PTPN13: variants seen among roughly 807,000 people sequenced by gnomAD.
The protein encoded by PTPN13 is protein tyrosine phosphatase non-receptor type 13.
A neutral mutation model predicts 284.0 loss-of-function variants in PTPN13; 191 were observed. The observed-to-expected ratio is 0.67, with a 90% CI of 0.60 to 0.76. PTPN13 has a LOEUF of 0.76. PTPN13 is among the 30% of genes least tolerant of loss of function. The probability of loss-of-function intolerance (pLI) is 0.00; values close to 1 mark genes in which losing one functional copy is unlikely to be tolerated. For synonymous variants in PTPN13, 986 were observed against 1,022.3 expected (o/e 0.96, Z 0.68); for missense variants, 2,797 against 2,939.9 (o/e 0.95, Z 1.12).
At chr4:86,668,326 A>G (rs1316033366) in intron 2 of PTPN13, among the ~76,000 whole-genome samples, 1 of 152,136 alleles carries the variant, frequency 6.6e-6, no homozygotes, top group East Asian at 1.9e-4. Context: ...TCTTCCTTTT[A>G]GTTAGACAAG....
chr4:86,790,988 T>G (rs894222982), intron 40 of PTPN13, among the ~76,000 whole-genome samples: 15 of 152,046 alleles, frequency 9.9e-5, no homozygotes, highest in Non-Finnish European at 2.1e-4. Flanking sequence ...TCAATGGGAC[T>G]CGTTGGACAG....
At position 86,772,876 on chromosome 4, in the gene PTPN13, A is replaced by G. The variant is rs563513070; in HGVS notation, c.5267A>G (p.His1756Arg). ...AGTTCGATGGATAAGTATCATATAC[A>G]TCACATTTCTGAACCAACTAGACAA... ...SSSSMDKYHIHHISEPTRQEN... is the reference protein window; with the variant it reads ...SSSSMDKYHIRHISEPTRQEN... Residue 1756 changes from histidine (H) to arginine (R), a missense_variant, in exon 32 of 48, where the codon CAT becomes CGT. By Grantham distance (29) the His-to-Arg change is conservative. Transcript: ENST00000411767. The G allele has an allele frequency of 2.4e-5, 38 of 1,612,712 alleles. No individual in the cohort carries two copies. The African/African-American group carries it at 4.7e-4, about 20-fold the overall frequency.
At chr4:86,700,737 C>T (rs528581937) in intron 6 of PTPN13, among the ~76,000 whole-genome samples, 7 of 152,246 alleles carry the variant, frequency 4.6e-5, no homozygotes, top group Non-Finnish European at 1.0e-4. Context: ...CGAAATGCTA[C>T]AATCCTATTT....
intron 3 of PTPN13, among the ~76,000 whole-genome samples, chr4:86,673,115 G>A (rs1727891420): frequency 6.6e-6 from 1 of 152,152 alleles, no homozygotes; most frequent in Admixed American, 6.5e-5. Context: ...AGGTGGTAAC[G>A]TTCACTTGCC....
chr4:86,810,952 A>G (rs980144707), intron 46 of PTPN13, 94 bp from the exon 47 acceptor site: 2 of 1,196,340 alleles, frequency 1.7e-6, no homozygotes, highest in African/African-American at 3.0e-5. Flanking sequence ...AGAGTGGGAT[A>G]CAGAATTTTA....
intron 44 of PTPN13, 119 bp from the exon 45 acceptor site, chr4:86,807,441 T>G: frequency 1.4e-6 from 1 of 715,288 alleles, no homozygotes. Context: ...TTAAAATACG[T>G]TGGTGATTTC....
chr4:86,683,929 T>C (rs1296742781), intron 3 of PTPN13, among the ~76,000 whole-genome samples: 1 of 152,174 alleles, frequency 6.6e-6, no homozygotes, highest in Non-Finnish European at 1.5e-5. Context: ...TTTGAAAAGG[T>C]ATTTACACTT....
intron 9 of PTPN13, among the ~76,000 whole-genome samples, chr4:86,718,455 C>CTTTTTTTTTGTTTTTTTTTTTTTT (rs1733264242): frequency 7.1e-6 from 1 of 140,164 alleles, no homozygotes; most frequent in African/African-American, 2.6e-5. Context: ...TAATGGTCCA[C>CTTTTTTTTTGTTTTTTTTTTTTTT]TTTTTTTTTT....
At position 86,767,890 on chromosome 4, in the gene PTPN13, C is replaced by T. The variant is rs1023942535; in HGVS notation, c.4403C>T (p.Thr1468Ile). The change falls in exon 28 of 48, where the codon ACC becomes ATC. Residue 1468 changes from threonine to isoleucine, a missense_variant. Thr to Ile is a moderately conservative substitution (Grantham distance 89). Transcript: ENST00000411767. Reference protein sequence around the residue: ...KEHVPVTPQCTLSDQNAQGQG... With the variant: ...KEHVPVTPQCILSDQNAQGQG... ...CATGTCCCGGTAACCCCACAGTGTA[C>T]CCTTTCAGATCAGAATGCCCAAGGT... 3.1e-6 allele frequency: 5 copies of T among 1,608,424 alleles called. No homozygotes were observed. In the African/African-American group the frequency reaches 5.3e-5, roughly 17 times the overall value.
At chr4:86,738,735 C>G (rs1299115487) in intron 15 of PTPN13, among the ~76,000 whole-genome samples, 1 of 152,104 alleles carries the variant, frequency 6.6e-6, no homozygotes, top group Non-Finnish European at 1.5e-5. Context: ...GGCTGGAATT[C>G]AGTGGTGCGA....
intron 1 of PTPN13, among the ~76,000 whole-genome samples, chr4:86,622,276 C>T (rs1578270421): frequency 6.6e-6 from 1 of 152,106 alleles, no homozygotes; most frequent in East Asian, 1.9e-4. Context: ...TTATCATTTA[C>T]TGTAGCTTAG....
rs180693475 is a variant in PTPN13, at chr4:86,722,718, T to A, written c.1608+284T>A. 1.9e-3 allele frequency among the ~76,000 whole-genome samples: 292 copies of A among 152,318 alleles called. 3 individuals are homozygous for A. Among genetic ancestry groups the A allele is most frequent in the African/African-American group, 6.8e-3 (283 of 41,572 alleles). On this transcript the variant is annotated intron_variant, in intron 10 of 47. Transcript: ENST00000411767. ...CATAATCCTTAAAGTTAACTAGCTA[T>A]CTTCATTATTGTGGGGGATTATTTT...
intron 1 of PTPN13, among the ~76,000 whole-genome samples, chr4:86,597,827 A>G (rs755592832): frequency 1.3e-5 from 2 of 152,106 alleles, no homozygotes; most frequent in Non-Finnish European, 2.9e-5. Flanking sequence ...TAAACTTCAC[A>G]TGTTTTTCCC....
chr4:86,735,514 C>G, intron 14 of PTPN13, 80 bp from the exon 15 acceptor site: 1 of 1,486,296 alleles, frequency 6.7e-7, no homozygotes, highest in Non-Finnish European at 9.1e-7. Flanking sequence ...TTAGCCAAAG[C>G]AAGAACTTTA....
chr4:86,764,829 C>A, intron 25 of PTPN13, 105 bp downstream of exon 25: 1 of 1,228,746 alleles, frequency 8.1e-7, no homozygotes, highest in Non-Finnish European at 1.1e-6. Context: ...AGGGACACAT[C>A]AAATACCTCC....
chr4:86,771,645 A>G (rs1284595957), intron 31 of PTPN13, 110 bp downstream of exon 31: 2 of 1,217,144 alleles, frequency 1.6e-6, no homozygotes, highest in African/African-American at 1.5e-5. Context: ...TGACCTTCAC[A>G]GTGGTTAGGC....
At position 86,711,098 on chromosome 4, in the gene PTPN13, C is replaced by CTTTTTTTTTTTTTTTTT. The variant is rs58186398; in HGVS notation, c.1196-5429_1196-5413dup. Among the ~76,000 whole-genome samples the CTTTTTTTTTTTTTTTTT allele has an allele frequency of 8.1e-4, 79 of 97,094 alleles. 3 individuals are homozygous for CTTTTTTTTTTTTTTTTT. Among genetic ancestry groups the CTTTTTTTTTTTTTTTTT allele is most frequent in the African/African-American group, 1.7e-3 (43 of 25,808 alleles). The allele number at this position is 97,094 out of a possible 152,430, so 63.7% of individuals were successfully genotyped here. A position where few individuals can be genotyped will look rare whatever the true frequency, so the allele number is the denominator to read the frequency against. On this transcript the variant is annotated intron_variant, in intron 7 of 47. Coordinates refer to ENST00000411767, the MANE Select transcript of PTPN13 (RefSeq NM_080683.3). ...GCCACCACACCTGGTTAATTATTGC[C>CTTTTTTTTTTTTTTTTT]TTTTTTTTTTTTTTTTTTTGGAGAG... is the stretch of plus-strand genomic sequence containing the variant.
chr4:86,637,303 G>T (rs1287346546), intron 2 of PTPN13, among the ~76,000 whole-genome samples: 1 of 151,832 alleles, frequency 6.6e-6, no homozygotes, highest in African/African-American at 2.4e-5. Flanking sequence ...AACAGAAAAA[G>T]AGGGAATCCT....
intron 2 of PTPN13, among the ~76,000 whole-genome samples, chr4:86,666,189 GA>G (rs1399471847): frequency 6.6e-6 from 1 of 152,112 alleles, no homozygotes; most frequent in East Asian, 1.9e-4. Flanking sequence ...TCAGTAAAAT[GA>G]GACTACATAC....
Sources: gnomAD v4.1 joint callset for allele counts (sites outside exome capture counted in the v4.1 genomes callset) on GRCh38, gnomAD v4.1.1 for gene constraint, MANE v1.5 for transcripts, NCBI Gene and HGNC (gene_info 2026-07-23, HGNC 2026-07-21) for gene names.